Variants in RBFOX1 observed in about 807,000 individuals in gnomAD.
RBFOX1 encodes RNA binding protein fox-1 homolog 1.
Under a neutral mutation model 57.7 loss-of-function variants are expected in RBFOX1, and 8 were observed. The ratio of observed to expected loss-of-function variants is 0.14; its 90% CI spans 0.08 to 0.25. The LOEUF (loss-of-function observed/expected upper bound fraction) is 0.25, where lower values mean the gene tolerates loss of function less well. RBFOX1 is among the 10% of genes least tolerant of loss of function. The probability of loss-of-function intolerance (pLI) is 1.00; values close to 1 mark genes in which losing one functional copy is unlikely to be tolerated. For missense variants in RBFOX1, 611 were observed against 548.5 expected, an observed-to-expected ratio of 1.11 and a Z score of -1.14; for synonymous variants, 326 against 222.4, an observed-to-expected ratio of 1.47 and a Z score of -4.15.
At chr16:5,435,495 G>A (rs535985652) in intron 1 of RBFOX1, among the ~76,000 whole-genome samples, 9 of 152,146 alleles carry the variant, frequency 5.9e-5, no homozygotes, top group Admixed American at 2.0e-4. Context: ...ACGATCCCTG[G>A]ATCTCCCTCT....
At chr16:6,374,085 T>C (rs138493447) in intron 2 of RBFOX1, among the ~76,000 whole-genome samples, 48 of 152,282 alleles carry the variant, frequency 3.2e-4, no homozygotes, top group Non-Finnish European at 6.0e-4. Context: ...ATCTGCCCTA[T>C]TTACCTTTTA....
intron 3 of RBFOX1, among the ~76,000 whole-genome samples, chr16:6,732,700 G>A (rs1198147209): frequency 1.3e-5 from 2 of 152,202 alleles, no homozygotes; most frequent in Non-Finnish European, 2.9e-5. Context: ...GTCCTCTGTT[G>A]CCTAAAGCAC....
At chr16:6,270,493 G>A (rs558551200) in intron 1 of RBFOX1, among the ~76,000 whole-genome samples, 5 of 148,720 alleles carry the variant, frequency 3.4e-5, no homozygotes, top group African/African-American at 9.8e-5. Flanking sequence ...AAATAGAGAC[G>A]ATATGTAATG....
In RBFOX1 at chr16:7,699,709, C is replaced by G. The variant is rs151102956; in HGVS notation, c.996-9347C>G. On this transcript the variant is annotated intron_variant, in intron 14 of 15. Transcript: ENST00000550418. ...TTGTAGTGATGACAGTTTGAATATT[C>G]TGGAGAAAATAAAAATGAGTTCACC... Among the ~76,000 whole-genome samples the G allele has an allele frequency of 9.4e-3, 1,429 of 151,956 alleles. 10 individuals are homozygous for G. The highest frequency in any genetic ancestry group is 0.016 in the Non-Finnish European group (1,121 of 67,984).
chr16:6,681,109 G>C (rs564221329), intron 3 of RBFOX1, among the ~76,000 whole-genome samples: 1 of 152,086 alleles, frequency 6.6e-6, no homozygotes, highest in Non-Finnish European at 1.5e-5. Context: ...TCAGGAGTTC[G>C]AGACCATCCT....
chr16:5,731,880 A>C (rs1294997534), intron 3 of RBFOX1, among the ~76,000 whole-genome samples: 1 of 152,140 alleles, frequency 6.6e-6, no homozygotes, highest in East Asian at 1.9e-4. Flanking sequence ...CATATCTCAC[A>C]TGTTAGCCTC....
intron 4 of RBFOX1, among the ~76,000 whole-genome samples, chr16:7,323,686 A>G (rs768059615): frequency 1.3e-5 from 2 of 152,214 alleles, no homozygotes; most frequent in Non-Finnish European, 2.9e-5. Context: ...ATAGGAATGA[A>G]GAGGGGATAA....
At chr16:7,383,140 TCATTCAA>T in intron 4 of RBFOX1, among the ~76,000 whole-genome samples, 1 of 152,152 alleles carries the variant, frequency 6.6e-6, no homozygotes, top group Non-Finnish European at 1.5e-5. Context: ...GTTCTGTGCT[TCATTCAA>T]GAATGGGAAA....
At chr16:6,631,989 G>C (rs1005911651) in intron 2 of RBFOX1, among the ~76,000 whole-genome samples, 2 of 152,130 alleles carry the variant, frequency 1.3e-5, no homozygotes, top group African/African-American at 4.8e-5. Flanking sequence ...TGGAAGGAGA[G>C]GCCATTAGGG....
chr16:6,554,825 C>T (rs955228556), intron 2 of RBFOX1, among the ~76,000 whole-genome samples: 6 of 146,718 alleles, frequency 4.1e-5, no homozygotes, highest in Non-Finnish European at 7.4e-5. Flanking sequence ...GACACACAGA[C>T]ACACACAGAC....
At chr16:5,348,788 C>A (rs776276755) in intron 1 of RBFOX1, among the ~76,000 whole-genome samples, 1 of 152,192 alleles carries the variant, frequency 6.6e-6, no homozygotes, top group Non-Finnish European at 1.5e-5. Flanking sequence ...TATTGAAAAC[C>A]TCACTGCATT....
chr16:5,251,148 G>A (rs551021401), intron 1 of RBFOX1, among the ~76,000 whole-genome samples: 1 of 152,326 alleles, frequency 6.6e-6, no homozygotes, highest in African/African-American at 2.4e-5. Context: ...CCTGCTAACA[G>A]GGACTCTGGC....
At chr16:5,747,832 G>A (rs1047102848) in intron 3 of RBFOX1, among the ~76,000 whole-genome samples, 1 of 152,126 alleles carries the variant, frequency 6.6e-6, no homozygotes, top group African/African-American at 2.4e-5. Context: ...CCAGCTCCTG[G>A]ATTCCTTGAT....
At chr16:6,180,634 C>A (rs912482640) in intron 1 of RBFOX1, among the ~76,000 whole-genome samples, 5 of 151,474 alleles carry the variant, frequency 3.3e-5, no homozygotes, top group African/African-American at 9.7e-5. Context: ...GTTACGATCT[C>A]GGCTCACTGC....
chr16:6,793,437 C>T (rs2083348725), intron 3 of RBFOX1, among the ~76,000 whole-genome samples: 1 of 152,116 alleles, frequency 6.6e-6, no homozygotes, highest in Admixed American at 6.5e-5. Context: ...ACAGAATTCT[C>T]TGAGAGAAAT....
At chr16:6,517,688 T>A (rs1424571758) in intron 2 of RBFOX1, among the ~76,000 whole-genome samples, 1 of 152,194 alleles carries the variant, frequency 6.6e-6, no homozygotes, top group Non-Finnish European at 1.5e-5. Flanking sequence ...TCCTATTGTC[T>A]CTTCTTGATT....
intron 4 of RBFOX1, among the ~76,000 whole-genome samples, chr16:7,084,347 GAAA>G (rs923843681): frequency 1.3e-5 from 2 of 151,782 alleles, no homozygotes; most frequent in African/African-American, 4.8e-5. Context: ...AGGGAAGAAA[GAAA>G]AAAATGTGGA....
At chr16:6,001,323 A>T (rs1204723725) in intron 4 of RBFOX1, among the ~76,000 whole-genome samples, 2 of 152,210 alleles carry the variant, frequency 1.3e-5, no homozygotes, top group Non-Finnish European at 2.9e-5. Context: ...AGTTACTGGC[A>T]TAAAGACACT....
intron 3 of RBFOX1, among the ~76,000 whole-genome samples, chr16:6,665,721 C>T (rs556689758): frequency 5.3e-5 from 8 of 151,368 alleles, no homozygotes; most frequent in African/African-American, 1.9e-4. Flanking sequence ...ATAATAATAG[C>T]AACTACCTTG....
Sources: gnomAD v4.1 joint callset for allele counts (sites outside exome capture counted in the v4.1 genomes callset) on GRCh38, gnomAD v4.1.1 for gene constraint, MANE v1.5 for transcripts, NCBI Gene and HGNC (gene_info 2026-07-23, HGNC 2026-07-21) for gene names.